TSHR: variants seen among roughly 807,000 people sequenced by gnomAD.
TSHR encodes the protein thyroid stimulating hormone receptor.
TSHR carries 51 observed loss-of-function variants against 64.1 expected under a neutral mutation model. The ratio of observed to expected loss-of-function variants is 0.80; its 90% confidence interval spans 0.64 to 1.01. The LOEUF (loss-of-function observed/expected upper bound fraction) is 1.01. TSHR is among the 50% of genes least tolerant of loss of function. The pLI is 0.00. For synonymous variants in TSHR, 361 were observed against 361.9 expected (o/e 1.00, Z 0.03); for missense variants, 877 against 942.8 (o/e 0.93, Z 0.91).
intron 1 of TSHR, chr14:80,958,258 T>A (rs1886814228): frequency 1.3e-5 from 2 of 152,214 alleles, no homozygotes; most frequent in African/African-American, 4.8e-5. Flanking sequence ...GTAGGTGATG[T>A]TATTATGCTC....
chr14:80,961,596 C>T (rs1887033001), intron 1 of TSHR, among the ~76,000 whole-genome samples: 1 of 152,110 alleles, frequency 6.6e-6, no homozygotes, highest in South Asian at 2.1e-4. Flanking sequence ...GTTACTACTC[C>T]CTTCATAACT....
At chr14:81,023,688 A>G (rs1447934444) in intron 1 of TSHR, among the ~76,000 whole-genome samples, 1 of 152,204 alleles carries the variant, frequency 6.6e-6, no homozygotes, top group Admixed American at 6.5e-5. Flanking sequence ...AAGAGTTCTC[A>G]TTGTACAGGC....
chr14:81,076,406 A>G (rs1486737945), intron 3 of TSHR, among the ~76,000 whole-genome samples: 18 of 152,214 alleles, frequency 1.2e-4, no homozygotes, highest in Non-Finnish European at 2.5e-4. Context: ...CCAAATTTAT[A>G]TATCTAGTTC....
chr14:80,984,967 T>G (rs1391538936), intron 1 of TSHR, among the ~76,000 whole-genome samples: 2 of 152,104 alleles, frequency 1.3e-5, no homozygotes, highest in African/African-American at 2.4e-5. Context: ...GTAATTGCTT[T>G]TGGCCGGGCG....
intron 8 of TSHR, among the ~76,000 whole-genome samples, chr14:81,127,876 T>C (rs1891081298): frequency 6.6e-6 from 1 of 152,178 alleles, no homozygotes; most frequent in Non-Finnish European, 1.5e-5. Flanking sequence ...CCTTTTTCTT[T>C]ATAAATTACC....
intron 3 of TSHR, among the ~76,000 whole-genome samples, chr14:81,078,497 T>C (rs1370218686): frequency 6.6e-6 from 1 of 152,224 alleles, no homozygotes; most frequent in East Asian, 1.9e-4. Context: ...AGGTGAGTTT[T>C]TTTATATTTA....
chr14:81,082,755 C>A (rs1888001463), intron 3 of TSHR, among the ~76,000 whole-genome samples: 1 of 152,206 alleles, frequency 6.6e-6, no homozygotes, highest in South Asian at 2.1e-4. Flanking sequence ...AGCTTCTCTT[C>A]TGACATCATC....
At chr14:81,115,278 T>C (rs1473216309) in intron 8 of TSHR, among the ~76,000 whole-genome samples, 2 of 151,586 alleles carry the variant, frequency 1.3e-5, no homozygotes, top group Admixed American at 1.3e-4. Context: ...GTTGAAAACT[T>C]TGAAAAAAAT....
At chr14:81,043,456 A>G (rs561137548) in intron 1 of TSHR, among the ~76,000 whole-genome samples, 1 of 152,338 alleles carries the variant, frequency 6.6e-6, no homozygotes, top group East Asian at 1.9e-4. Context: ...AAATGGAAAA[A>G]CATTCCATGC....
chr14:80,982,607 G>GAAA (rs35277102), intron 1 of TSHR: 122 of 754,606 alleles, frequency 1.6e-4, no homozygotes, highest in African/African-American at 1.1e-3. Flanking sequence ...GAAATTAATG[G>GAAA]AAAAAAAAAA....
At chr14:81,008,969 C>T (rs1037243856) in intron 1 of TSHR, among the ~76,000 whole-genome samples, 2 of 152,078 alleles carry the variant, frequency 1.3e-5, no homozygotes, top group African/African-American at 4.8e-5. Flanking sequence ...TGCTTACTGG[C>T]TAATTAAAAT....
At chr14:80,964,402 T>C (rs1013415599) in intron 1 of TSHR, among the ~76,000 whole-genome samples, 2 of 152,320 alleles carry the variant, frequency 1.3e-5, no homozygotes. Context: ...ATAAAACATA[T>C]TGTTAAATGA....
intron 8 of TSHR, among the ~76,000 whole-genome samples, chr14:81,109,202 G>A (rs1046247621): frequency 6.6e-6 from 1 of 152,146 alleles, no homozygotes; most frequent in Non-Finnish European, 1.5e-5. Context: ...GAGGTCAGGC[G>A]ATCGAGACCA....
chr14:80,976,844 G>C (rs1417133253), intron 1 of TSHR, among the ~76,000 whole-genome samples: 1 of 152,218 alleles, frequency 6.6e-6, no homozygotes, highest in African/African-American at 2.4e-5. Context: ...GTGATAAGTG[G>C]ACTCTCTCCT....
At chr14:80,977,387 G>C (rs1165418014) in intron 1 of TSHR, among the ~76,000 whole-genome samples, 1 of 152,172 alleles carries the variant, frequency 6.6e-6, no homozygotes, top group Non-Finnish European at 1.5e-5. Flanking sequence ...TAGACAAATT[G>C]CTGCTGAGTC....
At position 81,020,513 on chromosome 14, in the gene TSHR, G is replaced by A. The variant is rs138012380; in HGVS notation, c.171-41635G>A. 2.6e-3 allele frequency among the ~76,000 whole-genome samples: 391 copies of A among 152,298 alleles called. 4 individuals are homozygous for A. Among genetic ancestry groups the A allele is most frequent in the African/African-American group, 8.6e-3 (356 of 41,564 alleles). On this transcript the variant is annotated intron_variant, in intron 1 of 9. Coordinates refer to ENST00000298171, the MANE Select transcript of TSHR (RefSeq NM_000369.5). ...TGCACATGCGAGGGACCTAGACTGCGTGTTCCTTAAGAGAATCTAATGCCT... is the reference window on the plus strand; with the variant it reads ...TGCACATGCGAGGGACCTAGACTGCATGTTCCTTAAGAGAATCTAATGCCT...
At position 80,982,557 on chromosome 14, in the gene TSHR, T is replaced by G. The variant is rs191695842; in HGVS notation, c.170+26707T>G. ...ATGATGCTAGTTTTGACCCTAATCC[T>G]CAATCTGTGAGTAGGATAGTTAGAT... On this transcript the variant is annotated intron_variant, in intron 1 of 9. Transcript: ENST00000298171. 7.9e-4 allele frequency: 804 copies of G among 1,018,978 alleles called. 6 individuals are homozygous for G. In the Middle Eastern group the frequency reaches 0.012, roughly 15 times the overall value. The allele number at this position is 1,018,978 out of a possible 1,614,324, so 63.1% of individuals were successfully genotyped here. A position where few individuals can be genotyped will look rare whatever the true frequency, so the allele number is the denominator to read the frequency against.
Position 80,955,655 on chromosome 14 carries a change from A to C in TSHR, c.-26A>C. On this transcript the variant is annotated 5_prime_UTR_variant, in exon 1 of 10. Coordinates refer to ENST00000298171, the MANE Select transcript of TSHR (RefSeq NM_000369.5). ...AGAATGAGGCGATTTCGGAGGATGG[A>C]GAAATAGCCCCGAGTCCCGTGGAAA... 1 of 1,613,106 alleles carries C rather than the reference A, an allele frequency of 6.2e-7. No individual in the cohort carries two copies. Among genetic ancestry groups the C allele is most frequent in the Non-Finnish European group, 8.5e-7 (1 of 1,179,764 alleles).
At chr14:81,042,951 A>T (rs1209346026) in intron 1 of TSHR, among the ~76,000 whole-genome samples, 1 of 152,132 alleles carries the variant, frequency 6.6e-6, no homozygotes, top group East Asian at 1.9e-4. Flanking sequence ...AACAAACATA[A>T]GAGCCGTATA....
Sources: allele counts gnomAD v4.1 joint callset (sites outside exome capture counted in the v4.1 genomes callset), GRCh38; gene constraint gnomAD v4.1.1; transcripts MANE v1.5; gene names NCBI Gene and HGNC (gene_info 2026-07-23, HGNC 2026-07-21).